PTPRN2: variants seen among roughly 807,000 people sequenced by gnomAD.
The protein encoded by PTPRN2 is receptor-type tyrosine-protein phosphatase N2.
In PTPRN2, 74 loss-of-function variants were observed where a neutral mutation model predicts 118.8. The observed-to-expected ratio is 0.62, with a 90% CI of 0.52 to 0.76. The LOEUF (loss-of-function observed/expected upper bound fraction) is 0.76. PTPRN2 is among the 30% of genes least tolerant of loss of function. The pLI, the probability that PTPRN2 is intolerant of heterozygous loss-of-function variation, is 0.00. For synonymous variants in PTPRN2, 641 were observed against 608.0 expected (o/e 1.05, Z -0.80); for missense variants, 1,481 against 1,394.4 (o/e 1.06, Z -0.99).
At chr7:158,340,489 G>A (rs1350201796) in intron 2 of PTPRN2, among the ~76,000 whole-genome samples, 8 of 102,238 alleles carry the variant, frequency 7.8e-5, no homozygotes, top group Non-Finnish European at 1.4e-4. Context: ...ACCATAATAG[G>A]TGACACCTGC....
At chr7:158,060,763 T>G (rs1347709644) in intron 11 of PTPRN2, among the ~76,000 whole-genome samples, 1 of 152,198 alleles carries the variant, frequency 6.6e-6, no homozygotes, top group Non-Finnish European at 1.5e-5. Context: ...CTTTGCCTAT[T>G]TATGAATATG....
In PTPRN2 at chr7:158,146,616, G is replaced by T. The variant is rs550831378; in HGVS notation, c.911-8101C>A. On this transcript the variant is annotated intron_variant, in intron 6 of 22. Coordinates refer to ENST00000389418, the MANE Select transcript of PTPRN2 (RefSeq NM_002847.5). ...GGCGCCTGTAGTCCCAGCTACTCAG[G>T]AGCCTGAGGCAGAAGAATGGTGTGA... Among the ~76,000 whole-genome samples, 72 of 150,090 alleles carry T rather than the reference G, an allele frequency of 4.8e-4. 1 individual carries two copies. The South Asian group carries it at 5.0e-3, about 10-fold the overall frequency.
intron 12 of PTPRN2, among the ~76,000 whole-genome samples, chr7:157,752,480 T>C (rs1023473876): frequency 2.6e-5 from 4 of 152,212 alleles, no homozygotes; most frequent in Admixed American, 2.6e-4. Context: ...GCTGGGCGAC[T>C]GGTGCGCGGT....
intron 9 of PTPRN2, among the ~76,000 whole-genome samples, chr7:158,114,368 G>C (rs1159632895): frequency 6.6e-6 from 1 of 152,198 alleles, no homozygotes; most frequent in African/African-American, 2.4e-5. Flanking sequence ...TCAGGCATCT[G>C]CTTTGGGAAC....
At chr7:158,170,705 G>A (rs899511962) in intron 5 of PTPRN2, among the ~76,000 whole-genome samples, 2 of 152,162 alleles carry the variant, frequency 1.3e-5, no homozygotes, top group African/African-American at 2.4e-5. Context: ...GAGGGCCTGA[G>A]AGTTGGGAAC....
intron 3 of PTPRN2, among the ~76,000 whole-genome samples, chr7:158,207,798 C>T (rs1035342572): frequency 1.3e-5 from 2 of 152,122 alleles, no homozygotes; most frequent in South Asian, 2.1e-4. Context: ...AATAAGGCAC[C>T]AGGGACCAAT....
intron 21 of PTPRN2, among the ~76,000 whole-genome samples, chr7:157,553,134 G>A (rs1468730459): frequency 6.6e-6 from 1 of 152,196 alleles, no homozygotes. Flanking sequence ...CTCAAGAGAC[G>A]GGGAGCTCTC....
At position 158,087,502 on chromosome 7, in the gene PTPRN2, T is replaced by C. The variant is rs73748035; in HGVS notation, c.1644-6125A>G. ...CCACCTTTTGACAGTCAAATTCACT[T>C]ACCGTGAAAGGTGACTCCTATTTAG... is the stretch of plus-strand genomic sequence containing the variant. On this transcript the variant is annotated intron_variant, in intron 10 of 22. Coordinates refer to ENST00000389418, the MANE Select transcript of PTPRN2 (RefSeq NM_002847.5). Among the ~76,000 whole-genome samples, 888 of 152,290 alleles carry C rather than the reference T, an allele frequency of 5.8e-3. 8 individuals carry two copies. Among genetic ancestry groups the C allele is most frequent in the African/African-American group, 0.02 (851 of 41,532 alleles).
At chr7:157,775,986 A>G (rs1803189192) in intron 12 of PTPRN2, among the ~76,000 whole-genome samples, 2 of 151,802 alleles carry the variant, frequency 1.3e-5, no homozygotes, top group South Asian at 4.1e-4. Flanking sequence ...GCCCGGGGGG[A>G]TAGCCGCAGC....
chr7:158,149,501 G>A (rs1409083119), intron 6 of PTPRN2, among the ~76,000 whole-genome samples: 2 of 151,824 alleles, frequency 1.3e-5, no homozygotes, highest in African/African-American at 4.8e-5. Flanking sequence ...TTAACTCACT[G>A]ATTTTTAAAA....
At chr7:157,584,454 T>C (rs748386801) in intron 17 of PTPRN2, among the ~76,000 whole-genome samples, 1 of 152,010 alleles carries the variant, frequency 6.6e-6, no homozygotes, top group Non-Finnish European at 1.5e-5. Flanking sequence ...CGAAAGAAAA[T>C]GTTATCAAAG....
chr7:158,586,982 G>C (rs1465741808), intron 1 of PTPRN2, among the ~76,000 whole-genome samples: 1 of 152,120 alleles, frequency 6.6e-6, no homozygotes, highest in Non-Finnish European at 1.5e-5. Flanking sequence ...GCAGGGGCGC[G>C]AGACCTGCTC....
At chr7:157,543,978 G>C (rs971804171) in intron 22 of PTPRN2, among the ~76,000 whole-genome samples, 3 of 152,118 alleles carry the variant, frequency 2.0e-5, no homozygotes, top group African/African-American at 7.2e-5. Flanking sequence ...GATGGAGAGA[G>C]ACAGAGAGAG....
chr7:158,076,225 C>T (rs974928072), intron 11 of PTPRN2, among the ~76,000 whole-genome samples: 6 of 152,378 alleles, frequency 3.9e-5, no homozygotes, highest in Admixed American at 2.0e-4. Context: ...TTGTCTTGCT[C>T]CAATCTCTTA....
Position 157,559,252 on chromosome 7 carries a change from C to T in PTPRN2, c.2902+9650G>A, listed in dbSNP as rs564209247. ...GGACTTCAGGCGCTAGGAACGGACG[C>T]TTGGGACCTGCTGCCTCTGGGGACA... On this transcript the variant is annotated intron_variant, in intron 21 of 22. Coordinates refer to ENST00000389418, the MANE Select transcript of PTPRN2 (RefSeq NM_002847.5). Among the ~76,000 whole-genome samples, 142 of 152,298 alleles carry T rather than the reference C, an allele frequency of 9.3e-4. No individual in the cohort carries two copies. The East Asian group carries it at 0.023, about 25-fold the overall frequency.
intron 2 of PTPRN2, among the ~76,000 whole-genome samples, chr7:158,374,645 A>G (rs1810361637): frequency 6.6e-6 from 1 of 152,236 alleles, no homozygotes; most frequent in Non-Finnish European, 1.5e-5. Flanking sequence ...CCCTCAAAAC[A>G]GAGACAAACC....
chr7:157,762,640 T>A (rs55832972), intron 12 of PTPRN2, among the ~76,000 whole-genome samples: 17,498 of 150,060 alleles, frequency 0.12, 1,327 homozygotes, highest in African/African-American at 0.2. Context: ...ATATACCTAA[T>A]GCTAGATGAC....
At chr7:158,340,139 A>T (rs1160214900) in intron 2 of PTPRN2, among the ~76,000 whole-genome samples, 3 of 82,174 alleles carry the variant, frequency 3.7e-5, no homozygotes, top group African/African-American at 1.3e-4. Context: ...TGGAGACGTC[A>T]CTCACACCCA....
chr7:158,587,593 G>A lies in PTPRN2; in HGVS notation c.77C>T (p.Ser26Phe), dbSNP rs1829052818. 1.5e-6 allele frequency: 2 copies of A among 1,345,172 alleles called. No individual in the cohort carries two copies. Among genetic ancestry groups the A allele is most frequent in the Non-Finnish European group, 1.9e-6 (2 of 1,054,084 alleles). 83.3% of individuals were successfully genotyped at this position (1,345,172 alleles called of 1,614,324 possible). A position where few individuals can be genotyped will look rare whatever the true frequency, so the allele number is the denominator to read the frequency against. Reference sequence around the variant, plus strand: ...CGGGAGCTGCCGGCCGCGGGGGACGGACGAAGGGGCGGCAGGCAGGACGCG... The same window carrying A: ...CGGGAGCTGCCGGCCGCGGGGGACGAACGAAGGGGCGGCAGGCAGGACGCG... The part of the protein sequence containing the change: ...PPRVLPAAPS[S>F]VPRGRQLPGR... Residue 26 changes from serine (S) to phenylalanine (F), a missense_variant, in exon 1 of 23, where the codon TCC becomes TTC. Ser to Phe is a radical substitution (Grantham distance 155). Transcript: ENST00000389418.
Sources: allele counts gnomAD v4.1 joint callset (sites outside exome capture counted in the v4.1 genomes callset), GRCh38; gene constraint gnomAD v4.1.1; transcripts MANE v1.5; gene names NCBI Gene and HGNC (gene_info 2026-07-23, HGNC 2026-07-21).